The following DYNC2H1 variants were observed in gnomAD, a reference collection of about 807,000 sequenced individuals.
DYNC2H1 encodes the protein cytoplasmic dynein 2 heavy chain 1.
A neutral mutation model predicts 570.0 loss-of-function variants in DYNC2H1; 410 were observed. That is an observed-to-expected ratio of 0.72 (90% CI 0.66 to 0.78). The LOEUF (loss-of-function observed/expected upper bound fraction) is 0.78, where lower values mean the gene tolerates loss of function less well. DYNC2H1 is among the 30% of genes least tolerant of loss of function. The pLI is 0.00. For synonymous variants in DYNC2H1, 1,688 were observed against 1,677.6 expected (o/e 1.01, Z -0.15); for missense variants, 4,865 against 5,046.4 (o/e 0.96, Z 1.09).
At chr11:103,444,228 TAAC>T (rs140297231) in intron 85 of DYNC2H1, among the ~76,000 whole-genome samples, 4,371 of 151,918 alleles carry the variant, frequency 0.029, 137 homozygotes, top group African/African-American at 0.074. Flanking sequence ...AACATAAAAA[TAAC>T]AATTTTTATA....
intron 59 of DYNC2H1, among the ~76,000 whole-genome samples, chr11:103,229,083 C>T (rs1863905201): frequency 6.6e-6 from 1 of 152,178 alleles, no homozygotes; most frequent in Non-Finnish European, 1.5e-5. Context: ...TGGTCTCACT[C>T]CCACCATGCC....
intron 9 of DYNC2H1, among the ~76,000 whole-genome samples, 155 bp from the exon 10 acceptor site, chr11:103,121,217 G>GCTGT (rs1162005076): frequency 1.3e-5 from 2 of 151,828 alleles, no homozygotes; most frequent in Non-Finnish European, 2.9e-5. Flanking sequence ...ATTATAATTC[G>GCTGT]CTGTTTCATT....
intron 73 of DYNC2H1, among the ~76,000 whole-genome samples, chr11:103,284,106 C>A (rs1866253929): frequency 6.6e-6 from 1 of 152,124 alleles, no homozygotes; most frequent in African/African-American, 2.4e-5. Context: ...TTCCTCATTC[C>A]CCACCATTCC....
chr11:103,134,259 C>T, intron 14 of DYNC2H1, 62 bp from the exon 15 acceptor site: 2 of 1,457,108 alleles, frequency 1.4e-6, no homozygotes, highest in Non-Finnish European at 1.9e-6. Flanking sequence ...CAGGTTTCTC[C>T]ACTGAAAAGT....
chr11:103,364,301 C>T (rs545359749), intron 83 of DYNC2H1, among the ~76,000 whole-genome samples: 4 of 149,244 alleles, frequency 2.7e-5, no homozygotes, highest in Non-Finnish European at 4.4e-5. Flanking sequence ...AGGAGGCTTT[C>T]GTGAGAAGCA....
chr11:103,286,403 T>C lies in DYNC2H1; in HGVS notation c.11022+17T>C. On this transcript the variant is annotated intron_variant, in intron 74 of 88. Coordinates refer to ENST00000375735, the MANE Select transcript of DYNC2H1 (RefSeq NM_001377.3). ...TTTCAGCAGGTAAAATTTAGTGTTA[T>C]CTAAATGCAAAAAAGTGTTTAATGT... is the stretch of plus-strand genomic sequence containing the variant. 6.2e-7 allele frequency: 1 copy of C among 1,604,124 alleles called. No individual in the cohort carries two copies. Among genetic ancestry groups the C allele is most frequent in the Non-Finnish European group, 8.5e-7 (1 of 1,177,058 alleles).
intron 61 of DYNC2H1, among the ~76,000 whole-genome samples, chr11:103,235,068 C>T (rs918575255): frequency 6.6e-6 from 1 of 151,782 alleles, no homozygotes; most frequent in Non-Finnish European, 1.5e-5. Context: ...TTAATTAGTT[C>T]ACCCTTCATT....
At chr11:103,478,806 C>T (rs1187232244) in intron 88 of DYNC2H1, among the ~76,000 whole-genome samples, 1 of 151,728 alleles carries the variant, frequency 6.6e-6, no homozygotes, top group Non-Finnish European at 1.5e-5. Context: ...TGTGATAATA[C>T]ATGGTTCTAT....
At chr11:103,471,011 A>T (rs1246360896) in intron 88 of DYNC2H1, among the ~76,000 whole-genome samples, 1 of 152,108 alleles carries the variant, frequency 6.6e-6, no homozygotes, top group Admixed American at 6.6e-5. Flanking sequence ...ACAATGGTTG[A>T]ACTAGTTTAC....
At chr11:103,459,562 C>T (rs188583954) in intron 87 of DYNC2H1, among the ~76,000 whole-genome samples, 5 of 152,024 alleles carry the variant, frequency 3.3e-5, no homozygotes, top group African/African-American at 4.8e-5. Flanking sequence ...TTCCTAGCAT[C>T]GGCTACAATG....
At chr11:103,149,917 A>G (rs1218898620) in intron 20 of DYNC2H1, among the ~76,000 whole-genome samples, 3 of 152,130 alleles carry the variant, frequency 2.0e-5, no homozygotes, top group Non-Finnish European at 2.9e-5. Context: ...ATGACATTTG[A>G]GCTGAGATCT....
At chr11:103,380,296 C>T (rs949488980) in intron 83 of DYNC2H1, among the ~76,000 whole-genome samples, 8 of 152,090 alleles carry the variant, frequency 5.3e-5, no homozygotes, top group East Asian at 1.9e-4. Context: ...TGTAAAAGAA[C>T]GTAATAACCA....
chr11:103,444,844 A>C (rs1944373285), intron 85 of DYNC2H1, among the ~76,000 whole-genome samples: 1 of 152,218 alleles, frequency 6.6e-6, no homozygotes, highest in East Asian at 1.9e-4. Context: ...TGAAAGTTTT[A>C]CTGGAAATAA....
intron 83 of DYNC2H1, among the ~76,000 whole-genome samples, chr11:103,391,679 T>C (rs1175671564): frequency 1.3e-5 from 2 of 152,228 alleles, no homozygotes; most frequent in Non-Finnish European, 2.9e-5. Flanking sequence ...GGTTTTGGTG[T>C]GGATGTCCCT....
intron 70 of DYNC2H1, among the ~76,000 whole-genome samples, chr11:103,265,435 A>G (rs1247146693): frequency 1.3e-5 from 2 of 152,124 alleles, no homozygotes; most frequent in Non-Finnish European, 2.9e-5. Flanking sequence ...CCTCCACTTC[A>G]TCTATTCTGC....
intron 26 of DYNC2H1, among the ~76,000 whole-genome samples, chr11:103,158,442 C>T (rs1860932243): frequency 6.6e-6 from 1 of 151,812 alleles, no homozygotes; most frequent in Non-Finnish European, 1.5e-5. Flanking sequence ...GAGCGAGACT[C>T]CATCTCAAAA....
Position 103,228,834 on chromosome 11 carries a change from G to T in DYNC2H1, c.9354-2426G>T, listed in dbSNP as rs1263388745. ...CCTTTGTTTTTGGCTACCAGGGTGGGTAGAGAAAGAACACCTGGTGGGGGC... is the reference window on the plus strand; with the variant it reads ...CCTTTGTTTTTGGCTACCAGGGTGGTTAGAGAAAGAACACCTGGTGGGGGC... On this transcript the variant is annotated intron_variant, in intron 59 of 88. Coordinates refer to ENST00000375735, the MANE Select transcript of DYNC2H1 (RefSeq NM_001377.3). The surrounding 1 kb of genome is among the most constrained non-coding windows in gnomAD (Gnocchi z 6.1). Among the ~76,000 whole-genome samples the T allele has an allele frequency of 6.6e-6, 1 of 152,122 alleles. No individual in the cohort carries two copies. The highest frequency in any genetic ancestry group is 2.4e-5 in the African/African-American group (1 of 41,422).
chr11:103,219,851 G>A (rs1184383250), intron 55 of DYNC2H1, 64 bp from the exon 56 acceptor site: 8 of 925,136 alleles, frequency 8.6e-6, no homozygotes, highest in Non-Finnish European at 3.2e-6. Flanking sequence ...TTATATTTTG[G>A]ATTTCATGCT....
chr11:103,411,814 T>G (rs1943101087), intron 84 of DYNC2H1, among the ~76,000 whole-genome samples: 1 of 152,142 alleles, frequency 6.6e-6, no homozygotes. Flanking sequence ...GCAGATAATT[T>G]CAATATATAA....
Sources: allele counts gnomAD v4.1 joint callset (sites outside exome capture counted in the v4.1 genomes callset), GRCh38; gene constraint gnomAD v4.1.1; non-coding constraint Gnocchi (gnomAD v3.1); transcripts MANE v1.5; gene names NCBI Gene and HGNC (gene_info 2026-07-23, HGNC 2026-07-21).